The following LINC00305 variants were observed in gnomAD, a reference collection of about 807,000 sequenced individuals.
LINC00305 encodes the protein long intergenic non-protein coding RNA 305.
At chr18:64,116,897 C>T (rs2051340223) in intron 1 of LINC00305, among the ~76,000 whole-genome samples, 1 of 152,258 alleles carries the variant, frequency 6.6e-6, no homozygotes, top group African/African-American at 2.4e-5. Context: ...TGGAAATGGT[C>T]CCCTTCTGAG....
rs1384049615 is a variant in LINC00305 at position 64,145,345 on chromosome 18, T to C, written n.314+3430A>G. Among the ~76,000 whole-genome samples the C allele has an allele frequency of 2.6e-5, 4 of 152,130 alleles. No homozygotes were observed. The East Asian group carries it at 7.7e-4, about 29-fold the overall frequency. ...GTGACCATCTCACCTCATAATCAAA[T>C]GACCCTAAATCCCTCACTAACCTAC... On this transcript the variant is annotated intron_variant and non_coding_transcript_variant, in intron 1 of 3. Transcript: ENST00000666468.
intron 1 of LINC00305, among the ~76,000 whole-genome samples, chr18:64,125,577 A>C (rs1230463966): frequency 6.6e-6 from 1 of 152,068 alleles, no homozygotes; most frequent in Non-Finnish European, 1.5e-5. Flanking sequence ...TTACTTAAAA[A>C]GGAAAATATA....
chr18:64,137,158 C>G (rs2051438716), intron 1 of LINC00305, among the ~76,000 whole-genome samples: 1 of 152,058 alleles, frequency 6.6e-6, no homozygotes, highest in African/African-American at 2.4e-5. Flanking sequence ...ACAACAAGAG[C>G]ACCATGTGAT....
chr18:64,089,893 A>G (rs948166647), intron 3 of LINC00305, among the ~76,000 whole-genome samples: 3 of 152,226 alleles, frequency 2.0e-5, no homozygotes, highest in Admixed American at 6.5e-5. Context: ...ACCTGCCCTC[A>G]TGTTTCAATT....
At chr18:64,143,732 G>A (rs910973380) in intron 1 of LINC00305, among the ~76,000 whole-genome samples, 3 of 150,800 alleles carry the variant, frequency 2.0e-5, no homozygotes, top group African/African-American at 7.3e-5. Flanking sequence ...GTACATGTAT[G>A]TCCACATATT....
At chr18:64,134,922 T>C (rs550618552) in intron 1 of LINC00305, among the ~76,000 whole-genome samples, 1 of 152,138 alleles carries the variant, frequency 6.6e-6, no homozygotes, top group Non-Finnish European at 1.5e-5. Flanking sequence ...CATGAAGGAG[T>C]TAACAGATAA....
chr18:64,085,739 G>T (rs2051200842), intron 3 of LINC00305, among the ~76,000 whole-genome samples: 1 of 152,200 alleles, frequency 6.6e-6, no homozygotes, highest in Non-Finnish European at 1.5e-5. Flanking sequence ...GGGATTACAG[G>T]CGTGAGCCAC....
At chr18:64,134,490 C>T (rs2051423690) in intron 1 of LINC00305, among the ~76,000 whole-genome samples, 1 of 152,188 alleles carries the variant, frequency 6.6e-6, no homozygotes, top group Non-Finnish European at 1.5e-5. Context: ...TCAAGCTCAG[C>T]ATGAGGTCTG....
chr18:64,116,907 G>A (rs1422638454), intron 1 of LINC00305, among the ~76,000 whole-genome samples: 1 of 152,126 alleles, frequency 6.6e-6, no homozygotes, highest in Non-Finnish European at 1.5e-5. Context: ...CCCCTTCTGA[G>A]GGAGCTTGCT....
intron 1 of LINC00305, among the ~76,000 whole-genome samples, chr18:64,140,318 C>T (rs551424154): frequency 6.6e-6 from 1 of 152,260 alleles, no homozygotes; most frequent in African/African-American, 2.4e-5. Context: ...AAGTGATTCT[C>T]CTGCCTCACC....
chr18:64,148,783 G>A (rs2051510930), exon 1 of LINC00305: 1 of 152,312 alleles, frequency 6.6e-6, no homozygotes, highest in Non-Finnish European at 1.5e-5. Flanking sequence ...ACCTTGTGAA[G>A]GGCAGTCTGG....
chr18:64,118,472 T>C (rs2051347459), intron 1 of LINC00305, among the ~76,000 whole-genome samples: 1 of 152,100 alleles, frequency 6.6e-6, no homozygotes, highest in Non-Finnish European at 1.5e-5. Flanking sequence ...ATATACATTA[T>C]ATGGATATAA....
chr18:64,149,053 CAG>C (rs1457764536), exon 1 of LINC00305: 1 of 152,220 alleles, frequency 6.6e-6, no homozygotes, highest in Non-Finnish European at 1.5e-5. Flanking sequence ...AGGTGGGCTT[CAG>C]ATGGCTGTTG....
intron 1 of LINC00305, chr18:64,139,673 T>C (rs753859768): frequency 6.6e-6 from 1 of 151,928 alleles, no homozygotes; most frequent in Admixed American, 6.6e-5. Context: ...AAGCAAGCAA[T>C]AGGTAAGGCA....
At chr18:64,115,222 G>C (rs962966237) in intron 1 of LINC00305, among the ~76,000 whole-genome samples, 1 of 152,198 alleles carries the variant, frequency 6.6e-6, no homozygotes, top group Admixed American at 6.5e-5. Flanking sequence ...TAGTGAGTTA[G>C]ATATTGTGTT....
intron 3 of LINC00305, among the ~76,000 whole-genome samples, chr18:64,082,946 T>C (rs1184662261): frequency 1.3e-5 from 2 of 152,172 alleles, no homozygotes; most frequent in African/African-American, 2.4e-5. Flanking sequence ...AGATAAAACA[T>C]TTAGAACTTT....
intron 1 of LINC00305, among the ~76,000 whole-genome samples, chr18:64,111,606 A>T (rs775685898): frequency 6.6e-5 from 10 of 151,544 alleles, no homozygotes; most frequent in Non-Finnish European, 1.5e-4. Flanking sequence ...CCAAAGTAGA[A>T]CACAAGTGTC....
At chr18:64,147,137 A>G (rs2051501953) in intron 1 of LINC00305, 1 of 152,190 alleles carries the variant, frequency 6.6e-6, no homozygotes, top group African/African-American at 2.4e-5. Flanking sequence ...TGCCACATGA[A>G]AATTTTGGAA....
chr18:64,087,844 C>A (rs902898743), intron 3 of LINC00305, among the ~76,000 whole-genome samples: 17 of 152,140 alleles, frequency 1.1e-4, no homozygotes, highest in African/African-American at 3.9e-4. Flanking sequence ...GTAATCCCAG[C>A]ACTTTGGGAG....
Sources: allele counts gnomAD v4.1 joint callset (sites outside exome capture counted in the v4.1 genomes callset), GRCh38; gene constraint gnomAD v4.1.1; transcripts MANE v1.5; gene names NCBI Gene and HGNC (gene_info 2026-07-23, HGNC 2026-07-21).